The following GUCY2F variants were observed in gnomAD, a reference collection of about 807,000 sequenced individuals.
GUCY2F encodes retinal guanylyl cyclase 2.
In GUCY2F, 61 loss-of-function variants were observed where a neutral mutation model predicts 73.1. The ratio of observed to expected loss-of-function variants is 0.83; its 90% confidence interval spans 0.68 to 1.03. The LOEUF is 1.03. GUCY2F is among the 50% of genes least tolerant of loss of function. GUCY2F has a pLI of 0.00. For missense variants in GUCY2F, 912 were observed against 854.3 expected, an observed-to-expected ratio of 1.07 and a Z score of -0.84; for synonymous variants, 331 against 307.8, an observed-to-expected ratio of 1.08 and a Z score of -0.79.
intron 9 of GUCY2F, 61 bp from the exon 10 acceptor site, chrX:109,404,545 C>T: frequency 1.2e-6 from 1 of 805,930 alleles, no homozygotes; most frequent in Admixed American, 2.6e-5. Context: ...GCTTTTAACA[C>T]CAATTTCTGA....
intron 8 of GUCY2F, among the ~76,000 whole-genome samples, chrX:109,429,386 C>T (rs1193965139): frequency 3.8e-5 from 4 of 105,932 alleles, no homozygotes; most frequent in Non-Finnish European, 7.8e-5. Flanking sequence ...TGTACTCCAG[C>T]CTGGGCAACA....
In GUCY2F at chrX:109,427,825, G is replaced by A. The variant is rs181815302; in HGVS notation, c.1791+2482C>T. ...TAAACAGATGTCATGAGGATAATGG[G>A]AAGGCAGTTTTTTCACTGTCAGAGA... On this transcript the variant is annotated intron_variant, in intron 8 of 19. Coordinates refer to ENST00000218006, the MANE Select transcript of GUCY2F (RefSeq NM_001522.3). 4.1e-3 allele frequency among the ~76,000 whole-genome samples: 459 copies of A among 112,161 alleles called. 3 individuals are homozygous for A. Among genetic ancestry groups the A allele is most frequent in the African/African-American group, 0.014 (434 of 30,864 alleles).
intron 8 of GUCY2F, among the ~76,000 whole-genome samples, chrX:109,417,085 G>T (rs1327174327): frequency 9.0e-6 from 1 of 110,748 alleles, no homozygotes; most frequent in African/African-American, 3.3e-5. Flanking sequence ...TCATCAGCAG[G>T]CCTGCAATAC....
chrX:109,429,522 C>T (rs994866318), intron 8 of GUCY2F, among the ~76,000 whole-genome samples: 1 of 112,125 alleles, frequency 8.9e-6, no homozygotes, highest in African/African-American at 3.2e-5. Context: ...CTTCCATTTC[C>T]TTTGTTTTCT....
chrX:109,481,378 G>T (rs1305195228), intron 1 of GUCY2F, among the ~76,000 whole-genome samples: 1 of 111,782 alleles, frequency 8.9e-6, no homozygotes, highest in Admixed American at 9.5e-5. Flanking sequence ...TAGAGCATAG[G>T]GATGCATAAT....
intron 8 of GUCY2F, among the ~76,000 whole-genome samples, chrX:109,420,987 T>A (rs2147265364): frequency 9.0e-6 from 1 of 111,503 alleles, no homozygotes; most frequent in South Asian, 3.7e-4. Flanking sequence ...AAGACATATA[T>A]AAAAATCTTT....
rs1318883522 is a variant in GUCY2F at position 109,453,614 on chromosome X, C to T, written c.1278G>A (p.Met426Ile). 2 of 1,204,268 alleles carry T rather than the reference C, an allele frequency of 1.7e-6. No individual in the cohort carries two copies. The highest frequency in any genetic ancestry group is 4.4e-5 in the Admixed American group (2 of 45,962). The change falls in exon 4 of 20, where the codon ATG becomes ATA. Residue 426 changes from methionine to isoleucine, a missense_variant. Coordinates refer to ENST00000218006, the MANE Select transcript of GUCY2F (RefSeq NM_001522.3). Reference sequence around the variant, plus strand: ...CTCCGAAACGTAGCAGCTCCATTTCCATGTCCACAGTGTAGGTGCTATGGA... The same window carrying T: ...CTCCGAAACGTAGCAGCTCCATTTCTATGTCCACAGTGTAGGTGCTATGGA... Reference protein sequence around the residue: ...WELHSTYTVDMEMELLRFGGT... With the variant: ...WELHSTYTVDIEMELLRFGGT...
chrX:109,429,492 ATCTTCCACAGGCCACATG>A (rs1234139738), intron 8 of GUCY2F, among the ~76,000 whole-genome samples: 4 of 111,636 alleles, frequency 3.6e-5, no homozygotes, highest in Non-Finnish European at 7.5e-5. Context: ...GGCATGTCCT[ATCTTCCACAGGCCACATG>A]TCTTCCATTT....
chrX:109,465,585 C>T, intron 2 of GUCY2F, 142 bp from the exon 3 acceptor site: 1 of 471,890 alleles, frequency 2.1e-6, no homozygotes, highest in Admixed American at 3.7e-5. Context: ...AGATGTTGTC[C>T]TGAGCTGAGG....
intron 6 of GUCY2F, among the ~76,000 whole-genome samples, chrX:109,447,619 C>T (rs1410978125): frequency 1.4e-5 from 1 of 69,674 alleles, no homozygotes; most frequent in Non-Finnish European, 2.5e-5. Flanking sequence ...ACACCGGGGC[C>T]TGTCGTGGGG....
At chrX:109,448,320 G>A (rs779107245) in intron 5 of GUCY2F, among the ~76,000 whole-genome samples, 155 bp from the exon 6 acceptor site, 1 of 111,595 alleles carries the variant, frequency 9.0e-6, no homozygotes, top group South Asian at 3.8e-4. Context: ...GTACCCACAG[G>A]AAAAGAAGGA....
intron 5 of GUCY2F, among the ~76,000 whole-genome samples, chrX:109,448,802 C>T (rs1932079435): frequency 8.9e-6 from 1 of 112,186 alleles, no homozygotes; most frequent in Non-Finnish European, 1.9e-5. Context: ...GCTTTGTCTA[C>T]ATGATTCCAA....
At chrX:109,460,350 C>T (rs1415718337) in intron 3 of GUCY2F, among the ~76,000 whole-genome samples, 1 of 111,240 alleles carries the variant, frequency 9.0e-6, no homozygotes, top group Non-Finnish European at 1.9e-5. Flanking sequence ...ATAAACAGAA[C>T]ATTTTAAAAG....
At chrX:109,385,045 ATCT>A (rs1385893085) in intron 16 of GUCY2F, 136 bp downstream of exon 16, 2 of 389,242 alleles carry the variant, frequency 5.1e-6, no homozygotes, top group Non-Finnish European at 8.9e-6. Flanking sequence ...ATAAATCTTA[ATCT>A]TCTCAAATTA....
At chrX:109,425,335 TTG>T (rs755304809) in intron 8 of GUCY2F, among the ~76,000 whole-genome samples, 6,793 of 97,851 alleles carry the variant, frequency 0.069, 237 homozygotes, top group African/African-American at 0.1. Context: ...AAAGAAATTG[TTG>T]TGTGTGTGTG....
intron 11 of GUCY2F, among the ~76,000 whole-genome samples, chrX:109,396,850 G>A (rs1226817666): frequency 8.9e-6 from 1 of 112,205 alleles, no homozygotes; most frequent in African/African-American, 3.2e-5. Flanking sequence ...CAGATTCCAT[G>A]AGCATGTACT....
chrX:109,466,057 A>C (rs779640024), intron 2 of GUCY2F, among the ~76,000 whole-genome samples: 134 of 111,916 alleles, frequency 1.2e-3, no homozygotes, highest in Non-Finnish European at 1.6e-3. Flanking sequence ...CATCCTTACC[A>C]AGGTCATTAT....
chrX:109,374,327 T>A lies in GUCY2F; in HGVS notation c.*2-1328A>T, dbSNP rs746059646. 4.8e-3 allele frequency among the ~76,000 whole-genome samples: 532 copies of A among 111,761 alleles called. 1 individual carries two copies. Among genetic ancestry groups the A allele is most frequent in the African/African-American group, 0.012 (372 of 30,723 alleles). Reference sequence around the variant, plus strand: ...AATGAGGCCAGGACCAGGGATGGATTTCCTCTCTTGACCCAGTGGCTTCAA... The same window carrying A: ...AATGAGGCCAGGACCAGGGATGGATATCCTCTCTTGACCCAGTGGCTTCAA... On this transcript the variant is annotated intron_variant, in intron 19 of 19. Transcript: ENST00000218006.
chrX:109,451,960 T>C, intron 5 of GUCY2F, 63 bp downstream of exon 5: 2 of 612,426 alleles, frequency 3.3e-6, no homozygotes, highest in South Asian at 4.8e-5. Flanking sequence ...TTCCTGGAAA[T>C]CAGTATTAAC....
Sources: allele counts gnomAD v4.1 joint callset (sites outside exome capture counted in the v4.1 genomes callset), GRCh38; gene constraint gnomAD v4.1.1; transcripts MANE v1.5; gene names NCBI Gene and HGNC (gene_info 2026-07-23, HGNC 2026-07-21).